The following USP43 variants were observed in gnomAD, a reference collection of about 807,000 sequenced individuals.
USP43 encodes ubiquitin specific peptidase 43.
USP43 carries 33 observed loss-of-function variants against 90.7 expected under a neutral mutation model. That is an observed-to-expected ratio of 0.36 (90% CI 0.28 to 0.49). USP43 has a LOEUF of 0.49. Among genes scored for constraint, USP43 ranks in the 20% least tolerant of loss-of-function variants. The pLI is 0.98. For synonymous variants in USP43, 598 were observed against 615.8 expected (o/e 0.97, Z 0.43); for missense variants, 1,274 against 1,476.4 (o/e 0.86, Z 2.25).
chr17:9,669,418 C>T (rs1913249906), intron 3 of USP43, among the ~76,000 whole-genome samples: 1 of 152,132 alleles, frequency 6.6e-6, no homozygotes, highest in East Asian at 1.9e-4. Flanking sequence ...TATTCAAGTG[C>T]CTGCTAATGT....
chr17:9,649,722 T>A (rs1911729465), intron 1 of USP43, among the ~76,000 whole-genome samples: 1 of 148,024 alleles, frequency 6.8e-6, no homozygotes, highest in African/African-American at 2.5e-5. Context: ...AAAAAAGAGA[T>A]CTGTAATTTT....
chr17:9,695,363 T>C (rs780518510), intron 9 of USP43, among the ~76,000 whole-genome samples: 4 of 152,164 alleles, frequency 2.6e-5, no homozygotes, highest in Non-Finnish European at 4.4e-5. Context: ...AGATGGAGTC[T>C]CACTCTGTTA....
At chr17:9,677,628 G>A (rs934023549) in intron 5 of USP43, among the ~76,000 whole-genome samples, 8 of 152,178 alleles carry the variant, frequency 5.3e-5, no homozygotes, top group African/African-American at 1.9e-4. Context: ...GGATGGGAGC[G>A]GCCCTCAGGG....
intron 3 of USP43, among the ~76,000 whole-genome samples, chr17:9,668,775 G>C (rs936030335): frequency 2.0e-5 from 3 of 152,180 alleles, no homozygotes; most frequent in Non-Finnish European, 4.4e-5. Flanking sequence ...AGGAAACCTA[G>C]ATTTTGTGGT....
At chr17:9,705,329 A>G (rs1915808975) in intron 12 of USP43, among the ~76,000 whole-genome samples, 1 of 151,176 alleles carries the variant, frequency 6.6e-6, no homozygotes, top group Admixed American at 6.6e-5. Flanking sequence ...TGTCTTGGAA[A>G]TCTTTTCATG....
intron 14 of USP43, among the ~76,000 whole-genome samples, chr17:9,716,046 T>C (rs1916546896): frequency 6.6e-6 from 1 of 151,558 alleles, no homozygotes; most frequent in South Asian, 2.1e-4. Context: ...AATGTGTTTG[T>C]GTGTATGAGT....
chr17:9,681,498 A>G (rs1285176735), intron 6 of USP43, among the ~76,000 whole-genome samples: 1 of 76,134 alleles, frequency 1.3e-5, no homozygotes, highest in Non-Finnish European at 2.4e-5. Context: ...ATATATATAT[A>G]TATATATATA....
At chr17:9,666,778 A>G in intron 3 of USP43, 27 bp downstream of exon 3, 1 of 1,570,594 alleles carries the variant, frequency 6.4e-7, no homozygotes, top group Non-Finnish European at 8.7e-7. Flanking sequence ...TTTAGAATGT[A>G]TCACCCGAGG....
intron 1 of USP43, among the ~76,000 whole-genome samples, chr17:9,649,163 C>T (rs556040078): frequency 1.3e-5 from 2 of 151,930 alleles, no homozygotes; most frequent in African/African-American, 2.4e-5. Context: ...AAAAATTAGC[C>T]GGGCGTGGTG....
chr17:9,704,758 C>G (rs1597873841), intron 12 of USP43, among the ~76,000 whole-genome samples: 1 of 151,670 alleles, frequency 6.6e-6, no homozygotes, highest in Non-Finnish European at 1.5e-5. Context: ...CCCCTGCAAC[C>G]CCCCCACCTC....
intron 4 of USP43, among the ~76,000 whole-genome samples, chr17:9,675,222 G>C (rs1304972387): frequency 6.6e-6 from 1 of 152,206 alleles, no homozygotes; most frequent in Non-Finnish European, 1.5e-5. Context: ...GCCAGACTTA[G>C]ATCTGTGGCC....
At chr17:9,652,662 G>A (rs1911955583) in intron 1 of USP43, among the ~76,000 whole-genome samples, 1 of 151,840 alleles carries the variant, frequency 6.6e-6, no homozygotes, top group South Asian at 2.1e-4. Context: ...CCCCTGGCCT[G>A]TTTCCATAGA....
At chr17:9,718,293 G>T (rs964550612) in intron 14 of USP43, among the ~76,000 whole-genome samples, 7 of 152,132 alleles carry the variant, frequency 4.6e-5, no homozygotes, top group Non-Finnish European at 1.0e-4. Context: ...TATCCGTGAT[G>T]CTGCAAAGAT....
rs143814832 is a variant in USP43 at position 9,697,203 on chromosome 17, C to T, written c.1458-2969C>T. The stretch of plus-strand genomic sequence containing the variant: ...CTGCACTCCAGCCTGGGCAACAGAG[C>T]GAGACTCTGTCTCAAAAATAAATAA... On this transcript the variant is annotated intron_variant, in intron 9 of 14. Coordinates refer to ENST00000285199, the MANE Select transcript of USP43 (RefSeq NM_153210.5). 3.9e-3 allele frequency among the ~76,000 whole-genome samples: 588 copies of T among 151,570 alleles called. 6 individuals carry two copies. Among genetic ancestry groups the T allele is most frequent in the African/African-American group, 0.013 (528 of 41,322 alleles).
At chr17:9,646,282 C>A in intron 1 of USP43, 146 bp downstream of exon 1, 1 of 1,088,836 alleles carries the variant, frequency 9.2e-7, no homozygotes, top group Non-Finnish European at 1.2e-6. Flanking sequence ...TGTTTTGAGT[C>A]GATGTGTTAC....
chr17:9,687,814 T>TC (rs1914680259), intron 8 of USP43, among the ~76,000 whole-genome samples: 1 of 152,184 alleles, frequency 6.6e-6, no homozygotes, highest in African/African-American at 2.4e-5. Context: ...ACTACATTTG[T>TC]CCCAACTTTT....
At position 9,680,100 on chromosome 17, in the gene USP43, T is replaced by G. The variant is rs150510003; in HGVS notation, c.970-131T>G. 324 of 887,932 alleles carry G rather than the reference T, an allele frequency of 3.6e-4. No individual in the cohort carries two copies. The African/African-American group carries it at 4.8e-3, about 13-fold the overall frequency. The allele number at this position is 887,932 out of a possible 1,614,324, so 55.0% of individuals were successfully genotyped here. On this transcript the variant is annotated intron_variant, in intron 5 of 14. Transcript: ENST00000285199. ...TGGTTGTATCTACTATGCTGCCTTA[T>G]TACTAAAAATAAGTAGCCAATTGGA... is the stretch of plus-strand genomic sequence containing the variant.
Position 9,646,096 on chromosome 17 carries a change from GGACTCGC to G in USP43, c.467_473del (p.Thr156AsnfsTer76). 6.7e-7 allele frequency: 1 copy of G among 1,502,508 alleles called. No individual in the cohort carries two copies. The highest frequency in any genetic ancestry group is 8.9e-7 in the Non-Finnish European group (1 of 1,126,382). 93.1% of individuals were successfully genotyped at this position (1,502,508 alleles called of 1,614,324 possible). A position where few individuals can be genotyped will look rare whatever the true frequency, so the allele number is the denominator to read the frequency against. On this transcript the variant is annotated frameshift_variant, in exon 1 of 15. Transcript: ENST00000285199. LOFTEE classifies it high-confidence loss of function. ...CTGGCGGCGCTGGTGCGCGCGCTCTGGACTCGCGAATACACGCCCCAACTTTCCGCGG... is the reference window on the plus strand; with the variant it reads ...CTGGCGGCGCTGGTGCGCGCGCTCTGGAATACACGCCCCAACTTTCCGCGG...
At chr17:9,673,283 G>C (rs1443972700) in intron 3 of USP43, among the ~76,000 whole-genome samples, 2 of 152,108 alleles carry the variant, frequency 1.3e-5, no homozygotes, top group African/African-American at 4.8e-5. Context: ...GAAGTGGGTG[G>C]ATCACAAGGT....
Sources: gnomAD v4.1 joint callset for allele counts (sites outside exome capture counted in the v4.1 genomes callset) on GRCh38, gnomAD v4.1.1 for gene constraint, MANE v1.5 for transcripts, NCBI Gene and HGNC (gene_info 2026-07-23, HGNC 2026-07-21) for gene names.